Variants in MICU1 observed in about 807,000 individuals in gnomAD.
MICU1 encodes mitochondrial calcium uptake 1.
MICU1 carries 45 observed loss-of-function variants against 56.8 expected under a neutral mutation model. That is an observed-to-expected ratio of 0.79 (90% confidence interval 0.62 to 1.02). MICU1 has a LOEUF of 1.02. MICU1 is among the 50% of genes least tolerant of loss of function. The pLI, the probability that MICU1 is intolerant of heterozygous loss-of-function variation, is 0.00. For missense variants in MICU1, 504 were observed against 587.1 expected (o/e 0.86, Z 1.46); for synonymous variants, 186 against 195.1 (o/e 0.95, Z 0.39).
chr10:72,564,343 C>T (rs182987183), intron 2 of MICU1, among the ~76,000 whole-genome samples: 18 of 152,120 alleles, frequency 1.2e-4, no homozygotes, highest in African/African-American at 4.1e-4. Context: ...GAGTTCGAGA[C>T]CTGCCTAGCC....
intron 5 of MICU1, chr10:72,523,907 T>A: frequency 3.3e-6 from 5 of 1,508,054 alleles, no homozygotes; most frequent in Non-Finnish European, 4.4e-6. Flanking sequence ...AGTCATTGAT[T>A]AGCTCAGAAA....
chr10:72,472,106 A>C (rs1030624248), intron 8 of MICU1, among the ~76,000 whole-genome samples: 5 of 152,190 alleles, frequency 3.3e-5, no homozygotes, highest in Non-Finnish European at 7.3e-5. Flanking sequence ...TAATACTTAA[A>C]TGCTATTGGA....
At chr10:72,453,144 C>T (rs1474161587) in intron 8 of MICU1, among the ~76,000 whole-genome samples, 1 of 152,164 alleles carries the variant, frequency 6.6e-6, no homozygotes, top group African/African-American at 2.4e-5. Flanking sequence ...CAAGCAACTC[C>T]ACAATTTATT....
chr10:72,595,367 G>T lies in MICU1; in HGVS notation c.-1-28573C>A, dbSNP rs554993755. Reference sequence around the variant, plus strand: ...CTCTGGAGACCGAACCAGGAGAATCGCTTGAACTCAGGAGACGGAGGTTGC... The same window carrying T: ...CTCTGGAGACCGAACCAGGAGAATCTCTTGAACTCAGGAGACGGAGGTTGC... On this transcript the variant is annotated intron_variant, in intron 1 of 11. Coordinates refer to ENST00000361114, the MANE Select transcript of MICU1 (RefSeq NM_001195518.2). Among the ~76,000 whole-genome samples the T allele has an allele frequency of 1.0e-4, 15 of 147,488 alleles. 1 individual carries two copies. In the South Asian group the frequency reaches 2.3e-3, roughly 23 times the overall value.
intron 8 of MICU1, among the ~76,000 whole-genome samples, chr10:72,472,051 G>A (rs1464407732): frequency 6.6e-6 from 1 of 151,956 alleles, no homozygotes; most frequent in Non-Finnish European, 1.5e-5. Context: ...TTTCCATAGG[G>A]TAAAAATAGT....
Position 72,395,123 on chromosome 10 carries a change from G to A in MICU1, c.1180+12806C>T, listed in dbSNP as rs1490623286. ...GAACCCAGGAGGCGGTGCTTGCAGT[G>A]AGCCAAGATCATACCACTACACTCC... On this transcript the variant is annotated intron_variant, in intron 10 of 11. Coordinates refer to ENST00000361114, the MANE Select transcript of MICU1 (RefSeq NM_001195518.2). Among the ~76,000 whole-genome samples, 6 of 152,260 alleles carry A rather than the reference G, an allele frequency of 3.9e-5. No individual in the cohort carries two copies. In the South Asian group the frequency reaches 1.0e-3, roughly 26 times the overall value.
At chr10:72,614,641 T>A (rs186483542) in intron 1 of MICU1, among the ~76,000 whole-genome samples, 2 of 152,340 alleles carry the variant, frequency 1.3e-5, no homozygotes, top group Non-Finnish European at 2.9e-5. Context: ...AAGGATACTA[T>A]GCTAAGGGAA....
chr10:72,414,670 C>G (rs1167664284), intron 9 of MICU1, among the ~76,000 whole-genome samples: 8 of 152,122 alleles, frequency 5.3e-5, no homozygotes, highest in Non-Finnish European at 1.0e-4. Context: ...CCGAATTGTA[C>G]AGTTAAAATG....
chr10:72,528,510 A>G (rs1176628634), intron 5 of MICU1, among the ~76,000 whole-genome samples: 2 of 152,170 alleles, frequency 1.3e-5, no homozygotes, highest in African/African-American at 2.4e-5. Flanking sequence ...GGAAGCCAAG[A>G]GAGAGAGGGA....
At chr10:72,519,860 T>C (rs1355930786) in intron 5 of MICU1, among the ~76,000 whole-genome samples, 2 of 152,218 alleles carry the variant, frequency 1.3e-5, no homozygotes, top group Non-Finnish European at 2.9e-5. Flanking sequence ...TGATGGACTA[T>C]GTCTGCAAAA....
intron 8 of MICU1, among the ~76,000 whole-genome samples, chr10:72,449,524 C>T (rs1865230253): frequency 6.6e-6 from 1 of 152,212 alleles, no homozygotes; most frequent in Non-Finnish European, 1.5e-5. Flanking sequence ...AGGCATGAGC[C>T]ACTGCACCTG....
chr10:72,623,410 T>C (rs1002799479), intron 1 of MICU1, among the ~76,000 whole-genome samples: 5 of 148,122 alleles, frequency 3.4e-5, no homozygotes, highest in African/African-American at 7.5e-5. Flanking sequence ...AAAGAAAATA[T>C]GTGTGGAAAA....
At chr10:72,424,507 G>C (rs191928968) in intron 8 of MICU1, among the ~76,000 whole-genome samples, 27 of 152,028 alleles carry the variant, frequency 1.8e-4, no homozygotes, top group African/African-American at 6.3e-4. Flanking sequence ...AATAGAGATG[G>C]GGGTCTTGCT....
intron 8 of MICU1, among the ~76,000 whole-genome samples, chr10:72,440,984 C>A (rs1297294889): frequency 6.6e-6 from 1 of 152,154 alleles, no homozygotes; most frequent in Non-Finnish European, 1.5e-5. Context: ...TTGTGGAAGA[C>A]AGTGTGGTGA....
chr10:72,371,081 A>G (rs1862317547), intron 11 of MICU1, among the ~76,000 whole-genome samples: 1 of 151,764 alleles, frequency 6.6e-6, no homozygotes, highest in South Asian at 2.1e-4. Flanking sequence ...ATATAATAAA[A>G]AGTTAAAAAA....
chr10:72,466,189 G>A (rs903210356), intron 8 of MICU1, among the ~76,000 whole-genome samples: 1 of 152,160 alleles, frequency 6.6e-6, no homozygotes, highest in Non-Finnish European at 1.5e-5. Context: ...TAACAGAAAT[G>A]ACTACTAAGT....
At chr10:72,436,205 A>AGCAATATTTGCTGTTCT (rs1182246389) in intron 8 of MICU1, among the ~76,000 whole-genome samples, 4 of 152,222 alleles carry the variant, frequency 2.6e-5, no homozygotes, top group African/African-American at 7.2e-5. Context: ...AGGATCAGGC[A>AGCAATATTTGCTGTTCT]GCAATATTTG....
At chr10:72,618,487 G>A (rs1234265310) in intron 1 of MICU1, among the ~76,000 whole-genome samples, 1 of 150,844 alleles carries the variant, frequency 6.6e-6, no homozygotes, top group African/African-American at 2.5e-5. Flanking sequence ...TGCTTAAATT[G>A]AAAATCAAAT....
chr10:72,508,212 C>T lies in MICU1; in HGVS notation c.595G>A (p.Gly199Arg), dbSNP rs1413139564. The T allele has an allele frequency of 6.4e-6, 10 of 1,551,078 alleles. No individual in the cohort carries two copies. The highest frequency in any genetic ancestry group is 8.8e-6 in the Non-Finnish European group (10 of 1,138,092). The stretch of plus-strand genomic sequence containing the variant: ...GAAAAGGATATGAGCCCACATTCTC[C>T]AAGGGTGTAAAATATACTGCCTTCA... Reference protein sequence around the residue: ...ADEGSIFYTLGECGLISFSDY... With the variant: ...ADEGSIFYTLRECGLISFSDY... Residue 199 changes from glycine (G) to arginine (R), a missense_variant, in exon 6 of 12, where the codon GGA (glycine) becomes AGA (arginine). Gly to Arg is a moderately radical substitution (Grantham distance 125, BLOSUM62 -2). Transcript: ENST00000361114.
Sources: allele counts gnomAD v4.1 joint callset (sites outside exome capture counted in the v4.1 genomes callset), GRCh38; gene constraint gnomAD v4.1.1; transcripts MANE v1.5; gene names NCBI Gene and HGNC (gene_info 2026-07-23, HGNC 2026-07-21).